Variants in DAB2IP observed in about 807,000 individuals in gnomAD.
The protein encoded by DAB2IP is disabled homolog 2-interacting protein.
Under a neutral mutation model 107.2 loss-of-function variants are expected in DAB2IP, and 28 were observed. The ratio of observed to expected loss-of-function variants is 0.26; its 90% CI spans 0.19 to 0.36. The LOEUF (loss-of-function observed/expected upper bound fraction) is 0.36. Ranked by LOEUF, DAB2IP falls within the 10% of genes least tolerant of loss-of-function variation. The pLI is 1.00. For synonymous variants in DAB2IP, 755 were observed against 706.4 expected (o/e 1.07, Z -1.09); for missense variants, 1,400 against 1,644.7 (o/e 0.85, Z 2.57).
At chr9:121,697,450 C>CA (rs1340217251) in intron 2 of DAB2IP, among the ~76,000 whole-genome samples, 2 of 152,200 alleles carry the variant, frequency 1.3e-5, no homozygotes, top group Non-Finnish European at 2.9e-5. Flanking sequence ...TGGCAAGAGG[C>CA]AGAGTTTGGG....
chr9:121,683,401 C>T (rs1360015623), intron 2 of DAB2IP, among the ~76,000 whole-genome samples: 1 of 152,200 alleles, frequency 6.6e-6, no homozygotes, highest in Non-Finnish European at 1.5e-5. Context: ...CCCCACCCCC[C>T]TCCCATCAAC....
In DAB2IP at chr9:121,782,298, C is replaced by T. The variant is rs771186090; in HGVS notation, c.3403-33C>T. ...ATACACAGCCCTAAGGAGCCTGTCC[C>T]ATGACCCCCGCTCACATCCCCATTG... On this transcript the variant is annotated intron_variant, in intron 15 of 15. Transcript: ENST00000408936. The surrounding 1 kb of genome is among the most constrained non-coding windows in gnomAD (Gnocchi z 6.1). 2 of 1,603,972 alleles carry T rather than the reference C, an allele frequency of 1.2e-6. No homozygotes were observed. The highest frequency in any genetic ancestry group is 1.3e-5 in the African/African-American group (1 of 74,874).
At chr9:121,749,259 C>T (rs1437255778) in intron 3 of DAB2IP, among the ~76,000 whole-genome samples, 2 of 152,218 alleles carry the variant, frequency 1.3e-5, no homozygotes, top group Non-Finnish European at 2.9e-5. Flanking sequence ...CAGGGCGCTG[C>T]CCTGTTTATG....
chr9:121,624,995 C>G (rs1477921490), intron 1 of DAB2IP, among the ~76,000 whole-genome samples: 1 of 152,216 alleles, frequency 6.6e-6, no homozygotes, highest in African/African-American at 2.4e-5. Flanking sequence ...GCTAAGCACT[C>G]GCACTGCCTG....
chr9:121,614,743 T>A (rs2118982801), intron 1 of DAB2IP, among the ~76,000 whole-genome samples: 1 of 151,042 alleles, frequency 6.6e-6, no homozygotes, highest in East Asian at 1.9e-4. Flanking sequence ...CTTTCTTTTT[T>A]TTTTTTTTGA....
chr9:121,715,180 G>C (rs2185819), intron 3 of DAB2IP, among the ~76,000 whole-genome samples: 2 of 152,172 alleles, frequency 1.3e-5, no homozygotes, highest in East Asian at 3.9e-4. Flanking sequence ...TGCTCCTGCA[G>C]GGCAGGGGGC....
intron 3 of DAB2IP, among the ~76,000 whole-genome samples, chr9:121,738,078 C>T (rs1832055746): frequency 6.6e-6 from 1 of 152,176 alleles, no homozygotes; most frequent in Non-Finnish European, 1.5e-5. Context: ...TAGGGCACAG[C>T]TCAGAGAAGG....
chr9:121,774,215 G>T, intron 12 of DAB2IP, 45 bp from the exon 13 acceptor site: 1 of 1,512,342 alleles, frequency 6.6e-7, no homozygotes, highest in African/African-American at 1.4e-5. Context: ...CCTCCTGCTT[G>T]CCCTCCACCT....
intron 1 of DAB2IP, among the ~76,000 whole-genome samples, chr9:121,606,998 C>T (rs1830904924): frequency 6.6e-6 from 1 of 152,148 alleles, no homozygotes; most frequent in African/African-American, 2.4e-5. Context: ...TGGTCTCAAA[C>T]TCCTGACCTT....
In DAB2IP at chr9:121,670,037, C is replaced by A. The variant is rs554968819; in HGVS notation, c.125-8641C>A. On this transcript the variant is annotated intron_variant, in intron 1 of 15. Coordinates refer to ENST00000408936, the Ensembl canonical transcript of DAB2IP. Reference sequence around the variant, plus strand: ...GACTATTCCATCACCACGAAGATGTCGCTTGTGCTCCCCCTTTAACATCAC... The same window carrying A: ...GACTATTCCATCACCACGAAGATGTAGCTTGTGCTCCCCCTTTAACATCAC... Among the ~76,000 whole-genome samples the A allele has an allele frequency of 2.0e-5, 3 of 152,302 alleles. No individual in the cohort carries two copies. In the East Asian group the frequency reaches 5.8e-4, roughly 29 times the overall value.
chr9:121,763,567 C>A, exon 7 of DAB2IP: 1 of 1,613,956 alleles, frequency 6.2e-7, no homozygotes, highest in Non-Finnish European at 8.5e-7. Flanking sequence ...AGCACCTCAT[C>A]TTCCGGGAGA....
chr9:121,635,921 G>A lies in DAB2IP; in HGVS notation c.41-42757G>A, dbSNP rs565883920. On this transcript the variant is annotated intron_variant, in intron 1 of 16. Transcript: ENST00000259371. This position sits in a 1 kb window ranked among gnomAD's most constrained non-coding sequence, Gnocchi z 4.3. ...ATGTCTTTTTTGGGGGGGGGTCTGG[G>A]GGATGGAGTCTTGCTCTGTCTCCCC... 3.3e-5 allele frequency among the ~76,000 whole-genome samples: 5 copies of A among 152,266 alleles called. No homozygotes were observed. Among genetic ancestry groups the A allele is most frequent in the Admixed American group, 2.6e-4 (4 of 15,302 alleles).
At chr9:121,651,089 T>G (rs1832722908), upstream of DAB2IP, among the ~76,000 whole-genome samples, 1 of 152,156 alleles carries the variant, frequency 6.6e-6, no homozygotes, top group Non-Finnish European at 1.5e-5. This position sits in a 1 kb window ranked among gnomAD's most constrained non-coding sequence, Gnocchi z 5.1. Flanking sequence ...CTGCCTTCAG[T>G]GCTTTGAGTG....
intron 3 of DAB2IP, among the ~76,000 whole-genome samples, chr9:121,752,662 C>T (rs571457088): frequency 6.6e-6 from 1 of 152,228 alleles, no homozygotes; most frequent in Non-Finnish European, 1.5e-5. Flanking sequence ...CAGGCCGCTG[C>T]GAGAGTGGGC....
intron 1 of DAB2IP, among the ~76,000 whole-genome samples, chr9:121,608,363 A>C (rs1411527071): frequency 1.3e-5 from 2 of 152,228 alleles, no homozygotes; most frequent in African/African-American, 4.8e-5. Flanking sequence ...AGGAGAAGCC[A>C]GATGAGAGTC....
intron 3 of DAB2IP, chr9:121,752,113 G>A: frequency 1.7e-5 from 14 of 820,892 alleles, no homozygotes; most frequent in Non-Finnish European, 2.1e-5. Flanking sequence ...AACCTTGAGA[G>A]GGATGGGGGA....
intron 1 of DAB2IP, among the ~76,000 whole-genome samples, chr9:121,659,068 G>A (rs1833087853): frequency 6.6e-6 from 1 of 152,218 alleles, no homozygotes; most frequent in East Asian, 1.9e-4. Flanking sequence ...ATGAAAAAAG[G>A]CAGAGCACAG....
At chr9:121,584,610 G>A (rs1405598562) in intron 1 of DAB2IP, among the ~76,000 whole-genome samples, 2 of 152,054 alleles carry the variant, frequency 1.3e-5, no homozygotes, top group African/African-American at 4.8e-5. Flanking sequence ...GCCCTCTGTT[G>A]AAAGTATAAA....
intron 3 of DAB2IP, among the ~76,000 whole-genome samples, chr9:121,750,664 C>A (rs185835720): frequency 6.6e-6 from 1 of 152,196 alleles, no homozygotes; most frequent in African/African-American, 2.4e-5. Flanking sequence ...CTCAATTCCC[C>A]CCACCCAATA....
Sources: allele counts gnomAD v4.1 joint callset (sites outside exome capture counted in the v4.1 genomes callset), GRCh38; gene constraint gnomAD v4.1.1; non-coding constraint Gnocchi (gnomAD v3.1); transcripts MANE v1.5; gene names NCBI Gene and HGNC (gene_info 2026-07-23, HGNC 2026-07-21).